The following TRPM2 variants were observed in gnomAD, a reference collection of about 807,000 sequenced individuals.
TRPM2 encodes estrogen-responsive element-associated gene 1 protein.
A neutral mutation model predicts 174.0 loss-of-function variants in TRPM2; 161 were observed. The ratio of observed to expected loss-of-function variants is 0.93; its 90% confidence interval spans 0.81 to 1.05. The LOEUF (loss-of-function observed/expected upper bound fraction) is 1.05, where lower values mean the gene tolerates loss of function less well. TRPM2 is among the 50% of genes least tolerant of loss of function. The probability of loss-of-function intolerance (pLI) is 0.00; values close to 1 mark genes in which losing one functional copy is unlikely to be tolerated. For missense variants in TRPM2, 2,057 were observed against 2,038.0 expected (o/e 1.01, Z -0.18); for synonymous variants, 954 against 861.3 (o/e 1.11, Z -1.88).
Position 44,369,143 on chromosome 21 carries a change from C to T in TRPM2, c.605-34C>T, listed in dbSNP as rs45473508. Reference sequence around the variant, plus strand: ...CCTGGGTGTCAGGTGCCCCTCAGTGCTGTGGGGCCTGCCCACCCGTGCTCC... The same window carrying T: ...CCTGGGTGTCAGGTGCCCCTCAGTGTTGTGGGGCCTGCCCACCCGTGCTCC... On this transcript the variant is annotated intron_variant, in intron 4 of 31. Transcript: ENST00000397928. 5.9e-3 allele frequency: 9,143 copies of T among 1,560,610 alleles called. 447 individuals are homozygous for T. The African/African-American group carries it at 0.11, about 18-fold the overall frequency.
At position 44,366,780 on chromosome 21, in the gene TRPM2, C is replaced by G. The variant is rs777671457; in HGVS notation, c.450C>G (p.Pro150=). The G allele has an allele frequency of 6.2e-7, 1 of 1,614,044 alleles. No individual in the cohort carries two copies. The highest frequency in any genetic ancestry group is 8.5e-7 in the Non-Finnish European group (1 of 1,180,010). The change falls in exon 4 of 32, where the codon CCC becomes CCG. Residue 150 remains proline (P), a synonymous_variant. Transcript: ENST00000397928. The surrounding 1 kb of genome is among the most constrained non-coding windows in gnomAD (Gnocchi z 6.0). ...ACGTCCGAGTCTCCCAGGACACGCC[C>G]TCCAGCGTGATCTACCACCTCATGA... is the stretch of plus-strand genomic sequence containing the variant. The part of the protein sequence containing the change: ...KKYVRVSQDT[P]SSVIYHLMTQ...
intron 26 of TRPM2, 63 bp downstream of exon 26, chr21:44,426,799 C>T (rs1229758736): frequency 3.2e-5 from 51 of 1,584,334 alleles, no homozygotes; most frequent in Non-Finnish European, 4.2e-5. Context: ...CTAGGGGCTC[C>T]CTTGAGAATC....
chr21:44,439,301 G>A lies in TRPM2; in HGVS notation c.4269+133G>A. The A allele has an allele frequency of 1.3e-6, 1 of 761,250 alleles. No individual in the cohort carries two copies. The highest frequency in any genetic ancestry group is 2.2e-6 in the Non-Finnish European group (1 of 460,694). The allele number at this position is 761,250 out of a possible 1,614,324, so 47.2% of individuals were successfully genotyped here. A position where few individuals can be genotyped will look rare whatever the true frequency, so the allele number is the denominator to read the frequency against. ...CCACCCAGCTTCACCAGGTGACGGT[G>A]GTCCCAGCCCCTGCCCCCACGTTGC... is the stretch of plus-strand genomic sequence containing the variant. On this transcript the variant is annotated intron_variant, in intron 30 of 31. Coordinates refer to ENST00000397928, the MANE Select transcript of TRPM2 (RefSeq NM_003307.4). This position sits in a 1 kb window ranked among gnomAD's most constrained non-coding sequence, Gnocchi z 5.1.
Position 44,367,337 on chromosome 21 carries a change from G to A in TRPM2, c.604+403G>A, listed in dbSNP as rs1439122791. ...TGCACGGCTGGGGCCAGCACTGCAG[G>A]CCATTTGTAGGGGGTCAGCGAGAGT... On this transcript the variant is annotated intron_variant, in intron 4 of 31. Transcript: ENST00000397928. This position sits in a 1 kb window ranked among gnomAD's most constrained non-coding sequence, Gnocchi z 4.6. Among the ~76,000 whole-genome samples the A allele has an allele frequency of 6.6e-6, 1 of 152,222 alleles. No individual in the cohort carries two copies. The highest frequency in any genetic ancestry group is 2.4e-5 in the African/African-American group (1 of 41,448).
chr21:44,400,217 C>G, intron 14 of TRPM2, 42 bp from the exon 15 acceptor site: 1 of 1,558,494 alleles, frequency 6.4e-7, no homozygotes, highest in Non-Finnish European at 8.8e-7. Context: ...ATCTGGGGCA[C>G]AGGGCTGGGC....
At chr21:44,407,981 A>G (rs2049963060) in intron 19 of TRPM2, among the ~76,000 whole-genome samples, 1 of 149,920 alleles carries the variant, frequency 6.7e-6, no homozygotes, top group African/African-American at 2.5e-5. Flanking sequence ...TTTTCCCGAG[A>G]GGGAGTCAGG....
At chr21:44,390,626 G>A (rs971191557) in intron 9 of TRPM2, among the ~76,000 whole-genome samples, 5 of 152,122 alleles carry the variant, frequency 3.3e-5, no homozygotes, top group African/African-American at 7.2e-5. Flanking sequence ...CCCACCTGTC[G>A]CTTAGGGGCC....
chr21:44,403,947 CAT>C (rs61728821), intron 16 of TRPM2, among the ~76,000 whole-genome samples: 5,282 of 90,242 alleles, frequency 0.059, 261 homozygotes, highest in African/African-American at 0.15. Flanking sequence ...TACACATACA[CAT>C]ATGCACACAT....
chr21:44,426,935 G>T, intron 26 of TRPM2, 75 bp from the exon 27 acceptor site: 3 of 1,464,042 alleles, frequency 2.0e-6, no homozygotes, highest in East Asian at 4.9e-5. Context: ...TTGGTGGGGG[G>T]GTGATCCCTC....
At chr21:44,357,006 G>A (rs991113091) in intron 2 of TRPM2, among the ~76,000 whole-genome samples, 4 of 152,180 alleles carry the variant, frequency 2.6e-5, no homozygotes, top group Non-Finnish European at 4.4e-5. Context: ...CTTGGTTTTG[G>A]TGGGTTTTAC....
At chr21:44,355,455 C>T (rs934209570) in intron 2 of TRPM2, among the ~76,000 whole-genome samples, 1 of 152,230 alleles carries the variant, frequency 6.6e-6, no homozygotes, top group Non-Finnish European at 1.5e-5. Flanking sequence ...GCCTGGTGAG[C>T]TCCTACTTAT....
At position 44,418,583 on chromosome 21, in the gene TRPM2, C is replaced by T. The variant is rs201128211; in HGVS notation, c.3461+28C>T. 5.4e-4 allele frequency: 867 copies of T among 1,612,310 alleles called. 6 individuals carry two copies. In the Middle Eastern group the frequency reaches 0.011, roughly 20 times the overall value. On this transcript the variant is annotated intron_variant, in intron 22 of 31. Transcript: ENST00000397928. The stretch of plus-strand genomic sequence containing the variant: ...ATGGGGGCTCCGGTGGGCCTGGGGG[C>T]GGGAAGCCTCTGGGGGACCTCCTGC...
Position 44,427,298 on chromosome 21 carries a change from G to A in TRPM2, c.3974+187G>A, listed in dbSNP as rs569288376. Among the ~76,000 whole-genome samples the A allele has an allele frequency of 2.3e-3, 347 of 152,348 alleles. 1 individual carries two copies. Among genetic ancestry groups the A allele is most frequent in the Non-Finnish European group, 3.6e-3 (242 of 68,032 alleles). ...AGCCCCCAGGACTGGGCTTGGGGGCGTGGGACTTGCCCCCTGGCCTCGGGC... is the reference window on the plus strand; with the variant it reads ...AGCCCCCAGGACTGGGCTTGGGGGCATGGGACTTGCCCCCTGGCCTCGGGC... On this transcript the variant is annotated intron_variant, in intron 27 of 31. Coordinates refer to ENST00000397928, the MANE Select transcript of TRPM2 (RefSeq NM_003307.4).
rs181460760 is a variant in TRPM2 at position 44,406,155 on chromosome 21, T to A, written c.2790+118T>A. 721 of 1,339,928 alleles carry A rather than the reference T, an allele frequency of 5.4e-4. 7 individuals are homozygous for A. In the African/African-American group the frequency reaches 9.9e-3, roughly 18 times the overall value. The allele number at this position is 1,339,928 out of a possible 1,614,324, so 83.0% of individuals were successfully genotyped here. A position where few individuals can be genotyped will look rare whatever the true frequency, so the allele number is the denominator to read the frequency against. On this transcript the variant is annotated intron_variant, in intron 18 of 31. Transcript: ENST00000397928. ...CTTAAACACACCTGTAGGTTCCCCG[T>A]CCCTGCTTTGCCCCTTGGGCTCCCA...
chr21:44,407,446 GAA>G, intron 19 of TRPM2, among the ~76,000 whole-genome samples: 1 of 117,440 alleles, frequency 8.5e-6, no homozygotes, highest in Non-Finnish European at 1.7e-5. Flanking sequence ...TTTTCATATA[GAA>G]GGTTTTTTTT....
intron 3 of TRPM2, among the ~76,000 whole-genome samples, chr21:44,365,974 GGGCACCTAAT>G (rs1464635429): frequency 6.6e-6 from 1 of 152,216 alleles, no homozygotes; most frequent in East Asian, 1.9e-4. Context: ...GTTGTTTTGA[GGGCACCTAAT>G]GGCATTTCTG....
chr21:44,425,939 A>C, intron 25 of TRPM2, 112 bp downstream of exon 25: 1 of 1,302,412 alleles, frequency 7.7e-7, no homozygotes, highest in Non-Finnish European at 1.0e-6. Flanking sequence ...CACTGCAGCC[A>C]CAGGGGGATC....
In TRPM2 at chr21:44,367,215, T is replaced by C. The variant is rs1456120193; in HGVS notation, c.604+281T>C. ...GAGAACCTTGGTGGCCTGGGAACCT[T>C]GGTGGCCTGAGAACCTTGGTGGCCT... is the stretch of plus-strand genomic sequence containing the variant. On this transcript the variant is annotated intron_variant, in intron 4 of 31. Transcript: ENST00000397928. This position sits in a 1 kb window ranked among gnomAD's most constrained non-coding sequence, Gnocchi z 4.6. Among the ~76,000 whole-genome samples, 1 of 150,548 alleles carries C rather than the reference T, an allele frequency of 6.6e-6. No individual in the cohort carries two copies. Among genetic ancestry groups the C allele is most frequent in the African/African-American group, 2.5e-5 (1 of 40,798 alleles).
rs1002562401 is a variant in TRPM2, at chr21:44,438,283, C to T, written c.4168-784C>T. Among the ~76,000 whole-genome samples the T allele has an allele frequency of 5.9e-5, 9 of 152,218 alleles. No individual in the cohort carries two copies. Among genetic ancestry groups the T allele is most frequent in the African/African-American group, 9.7e-5 (4 of 41,442 alleles). ...TGGCCCTGGAACACGAGTCACCCTC[C>T]GCTCTCTGGCACTTTGGCCTCTCCA... On this transcript the variant is annotated intron_variant, in intron 29 of 31. Transcript: ENST00000397928. This position sits in a 1 kb window ranked among gnomAD's most constrained non-coding sequence, Gnocchi z 5.9.
Sources: gnomAD v4.1 joint callset for allele counts (sites outside exome capture counted in the v4.1 genomes callset) on GRCh38, gnomAD v4.1.1 for gene constraint, Gnocchi (gnomAD v3.1) non-coding constraint, MANE v1.5 for transcripts, NCBI Gene and HGNC (gene_info 2026-07-23, HGNC 2026-07-21) for gene names.